The following ARL13B variants were observed in gnomAD, a reference collection of about 807,000 sequenced individuals.
ARL13B encodes ADP-ribosylation factor-like protein 13B.
A neutral mutation model predicts 56.1 loss-of-function variants in ARL13B; 36 were observed. That is an observed-to-expected ratio of 0.64 (90% CI 0.49 to 0.85). The LOEUF (loss-of-function observed/expected upper bound fraction) is 0.85. Ranked by LOEUF, ARL13B falls within the 40% of genes least tolerant of loss-of-function variation. The pLI is 0.00. For synonymous variants in ARL13B, 178 were observed against 171.1 expected (o/e 1.04, Z -0.32); for missense variants, 519 against 507.1 (o/e 1.02, Z -0.23).
intron 3 of ARL13B, among the ~76,000 whole-genome samples, chr3:94,023,505 T>C (rs1297250819): frequency 6.6e-6 from 1 of 152,106 alleles, no homozygotes; most frequent in Non-Finnish European, 1.5e-5. Flanking sequence ...TTTTAAATAA[T>C]TTCTTTAAGA....
At chr3:94,003,965 A>C in intron 3 of ARL13B, 57 bp downstream of exon 3, 16 of 1,608,248 alleles carry the variant, frequency 9.9e-6, no homozygotes, top group Non-Finnish European at 1.4e-5. Flanking sequence ...CCACTAAAGA[A>C]ATTTACCTGT....
intron 3 of ARL13B, among the ~76,000 whole-genome samples, chr3:94,026,681 G>A (rs1236233308): frequency 3.3e-5 from 5 of 152,260 alleles, no homozygotes; most frequent in Middle Eastern, 3.4e-3. Flanking sequence ...TAATTGCTTA[G>A]ACTAGGTGAA....
intron 3 of ARL13B, chr3:94,014,890 G>T: frequency 1.2e-6 from 2 of 1,613,740 alleles, no homozygotes; most frequent in Non-Finnish European, 1.7e-6. Context: ...TGTGACCACT[G>T]AAGATGGACC....
intron 6 of ARL13B, among the ~76,000 whole-genome samples, chr3:94,040,388 A>G (rs1445247176): frequency 6.6e-6 from 1 of 152,216 alleles, no homozygotes. Context: ...ATTAGGGTAC[A>G]TAAACAATTT....
At chr3:93,988,898 G>T (rs1710604403) in intron 1 of ARL13B, 2 of 322,538 alleles carry the variant, frequency 6.2e-6, no homozygotes. Context: ...CTCCTCTTGG[G>T]CTCTTGCTTC....
chr3:94,017,734 A>T (rs912079688), intron 3 of ARL13B, among the ~76,000 whole-genome samples: 2 of 152,174 alleles, frequency 1.3e-5, no homozygotes, highest in Admixed American at 6.5e-5. Context: ...GATATTTGAG[A>T]TGTGAGACTG....
At chr3:94,049,643 G>A in intron 8 of ARL13B, 121 bp downstream of exon 8, 1 of 680,284 alleles carries the variant, frequency 1.5e-6, no homozygotes, top group African/African-American at 1.9e-5. Context: ...GTATACTTGT[G>A]AAGAAGAATC....
chr3:94,003,635 T>C (rs761674283), intron 2 of ARL13B, 24 bp from the exon 3 acceptor site: 2 of 1,610,164 alleles, frequency 1.2e-6, no homozygotes, highest in African/African-American at 1.3e-5. Flanking sequence ...AAGATTTTCT[T>C]TTTTTGTGTA....
At chr3:93,988,758 C>T (rs1710588883) in intron 1 of ARL13B, 4 of 434,470 alleles carry the variant, frequency 9.2e-6, no homozygotes, top group African/African-American at 2.1e-5. Flanking sequence ...CCTGTTTTCC[C>T]TATGCTCCCC....
chr3:94,030,669 A>G (rs2076660534), intron 3 of ARL13B, among the ~76,000 whole-genome samples: 1 of 152,210 alleles, frequency 6.6e-6, no homozygotes, highest in Non-Finnish European at 1.5e-5. Context: ...TATTTTAAGT[A>G]ATTTTAAAAC....
intron 7 of ARL13B, among the ~76,000 whole-genome samples, chr3:94,045,255 T>G (rs555216199): frequency 4.2e-4 from 64 of 152,094 alleles, no homozygotes; most frequent in Admixed American, 9.8e-4. Flanking sequence ...GCATGCTCAT[T>G]AAGAGTCGTC....
At chr3:94,045,216 G>T (rs923906534) in intron 7 of ARL13B, among the ~76,000 whole-genome samples, 89 of 152,154 alleles carry the variant, frequency 5.8e-4, no homozygotes, top group Non-Finnish European at 7.3e-5. Context: ...GGTGCAAGAT[G>T]TGCTTTGTTA....
intron 2 of ARL13B, chr3:93,996,655 G>T: frequency 2.3e-6 from 1 of 432,624 alleles, no homozygotes; most frequent in Non-Finnish European, 4.7e-6. Context: ...TGGGATTACA[G>T]GCATGAGCCA....
intron 3 of ARL13B, chr3:94,015,092 T>C: frequency 6.2e-7 from 1 of 1,613,820 alleles, no homozygotes; most frequent in Non-Finnish European, 8.5e-7. Flanking sequence ...TTGTTAATAC[T>C]TTCCTGTAGT....
At chr3:93,987,885 A>G (rs1014628870) in intron 1 of ARL13B, among the ~76,000 whole-genome samples, 1 of 152,000 alleles carries the variant, frequency 6.6e-6, no homozygotes, top group Non-Finnish European at 1.5e-5. Context: ...GGCTCAAGTA[A>G]TTCTCCCACC....
At chr3:94,011,472 C>T (rs1474552350) in intron 3 of ARL13B, among the ~76,000 whole-genome samples, 1 of 152,086 alleles carries the variant, frequency 6.6e-6, no homozygotes, top group Non-Finnish European at 1.5e-5. Flanking sequence ...CAGTTTTTGC[C>T]TGAGTTCTTT....
At chr3:94,052,274 A>G (rs2077079066) in intron 9 of ARL13B, among the ~76,000 whole-genome samples, 1 of 152,146 alleles carries the variant, frequency 6.6e-6, no homozygotes, top group African/African-American at 2.4e-5. Flanking sequence ...ATTGGTAATA[A>G]CAAGATGAAT....
rs1196294641 is a variant in ARL13B, at chr3:94,053,283, T to G, written c.*20T>G. 1 of 1,602,490 alleles carries G rather than the reference T, an allele frequency of 6.2e-7. No homozygotes were observed. The highest frequency in any genetic ancestry group is 1.3e-5 in the African/African-American group (1 of 74,622). ...TCATAAACAAGACGTATGGAGGAGT[T>G]CTCTTAATATCAGCAAGGTGAACTG... is the stretch of plus-strand genomic sequence containing the variant. On this transcript the variant is annotated 3_prime_UTR_variant, in exon 10 of 10. Coordinates refer to ENST00000394222, the MANE Select transcript of ARL13B (RefSeq NM_001174150.2).
chr3:94,035,826 C>G (rs930501113), intron 4 of ARL13B, among the ~76,000 whole-genome samples: 1 of 152,170 alleles, frequency 6.6e-6, no homozygotes, highest in Non-Finnish European at 1.5e-5. Flanking sequence ...AATCCCAGCA[C>G]TTTGGGAGGT....
Sources: gnomAD v4.1 joint callset for allele counts (sites outside exome capture counted in the v4.1 genomes callset) on GRCh38, gnomAD v4.1.1 for gene constraint, MANE v1.5 for transcripts, NCBI Gene and HGNC (gene_info 2026-07-23, HGNC 2026-07-21) for gene names.